SLC35F1: variants seen among roughly 807,000 people sequenced by gnomAD.
SLC35F1 encodes the protein solute carrier family 35 member F1, also known as chromosome 6 open reading frame 169.
SLC35F1 carries 14 observed loss-of-function variants against 48.7 expected under a neutral mutation model. The observed-to-expected ratio is 0.29, with a 90% CI of 0.19 to 0.45. The LOEUF (loss-of-function observed/expected upper bound fraction) is 0.45. SLC35F1 is among the 20% of genes least tolerant of loss of function. SLC35F1 has a pLI of 1.00. For synonymous variants in SLC35F1, 190 were observed against 202.2 expected, an observed-to-expected ratio of 0.94 and a Z score of 0.51; for missense variants, 404 against 500.0, an observed-to-expected ratio of 0.81 and a Z score of 1.83.
chr6:118,000,492 A>C (rs908051604), intron 1 of SLC35F1, among the ~76,000 whole-genome samples: 17 of 152,184 alleles, frequency 1.1e-4, no homozygotes, highest in Non-Finnish European at 5.9e-5. Flanking sequence ...GGCCAATATC[A>C]TACTGAATGG....
intron 1 of SLC35F1, among the ~76,000 whole-genome samples, chr6:117,920,317 G>A (rs1775881661): frequency 6.6e-6 from 1 of 152,216 alleles, no homozygotes; most frequent in Non-Finnish European, 1.5e-5. Flanking sequence ...GGGGGCGAGT[G>A]TTCCGCGGGG....
chr6:118,162,649 C>G (rs1774254065), intron 2 of SLC35F1, among the ~76,000 whole-genome samples: 1 of 152,216 alleles, frequency 6.6e-6, no homozygotes, highest in Non-Finnish European at 1.5e-5. Flanking sequence ...TGCAGCTATT[C>G]CCTCAGTCGC....
At chr6:118,128,158 A>G (rs1773656149) in intron 1 of SLC35F1, among the ~76,000 whole-genome samples, 1 of 144,350 alleles carries the variant, frequency 6.9e-6, no homozygotes, top group South Asian at 2.3e-4. Flanking sequence ...AAGTCAGGAA[A>G]CAACAGGTGC....
chr6:118,157,435 T>A (rs1774161502), intron 2 of SLC35F1, among the ~76,000 whole-genome samples: 1 of 152,076 alleles, frequency 6.6e-6, no homozygotes, highest in South Asian at 2.1e-4. Context: ...GATAGATGTA[T>A]ATATGAAAGG....
At chr6:118,121,921 A>G (rs1217550982) in intron 1 of SLC35F1, among the ~76,000 whole-genome samples, 2 of 152,136 alleles carry the variant, frequency 1.3e-5, no homozygotes, top group African/African-American at 4.8e-5. Context: ...CACACTCCCT[A>G]CATTTGAATA....
chr6:118,301,664 G>C (rs1189610879), intron 7 of SLC35F1, among the ~76,000 whole-genome samples: 2 of 152,118 alleles, frequency 1.3e-5, no homozygotes, highest in Non-Finnish European at 2.9e-5. Flanking sequence ...TATATTGGTA[G>C]CTATAGATAT....
intron 2 of SLC35F1, among the ~76,000 whole-genome samples, chr6:118,204,478 G>A (rs564847332): frequency 6.6e-6 from 1 of 152,216 alleles, no homozygotes; most frequent in East Asian, 1.9e-4. Context: ...GACAAATGAA[G>A]CATATCTTCT....
In SLC35F1 at chr6:117,923,621, A is replaced by ACATATATACATATGTG. The variant is rs1205547306; in HGVS notation, c.173+15722_173+15723insCATATATACATATGTG. 7.4e-4 allele frequency among the ~76,000 whole-genome samples: 18 copies of ACATATATACATATGTG among 24,216 alleles called. 4 individuals are homozygous for ACATATATACATATGTG. Among genetic ancestry groups the ACATATATACATATGTG allele is most frequent in the African/African-American group, 1.4e-3 (18 of 12,526 alleles). The allele number at this position is 24,216 out of a possible 152,430, so 15.9% of individuals were successfully genotyped here. A position where few individuals can be genotyped will look rare whatever the true frequency, so the allele number is the denominator to read the frequency against. On this transcript the variant is annotated intron_variant, in intron 1 of 7. Transcript: ENST00000360388. ...TGTGTATATATACATATACATATGT[A>ACATATATACATATGTG]TATATACATATATGTACATATGTAC...
At chr6:118,061,482 A>G (rs933275124) in intron 1 of SLC35F1, among the ~76,000 whole-genome samples, 1 of 152,170 alleles carries the variant, frequency 6.6e-6, no homozygotes, top group Admixed American at 6.5e-5. Flanking sequence ...CACTATCATT[A>G]TAAAACTAGA....
At chr6:118,072,960 T>C (rs1772760540) in intron 1 of SLC35F1, among the ~76,000 whole-genome samples, 1 of 152,218 alleles carries the variant, frequency 6.6e-6, no homozygotes, top group African/African-American at 2.4e-5. Flanking sequence ...CCACATCTTC[T>C]GTATTCTAAA....
intron 1 of SLC35F1, among the ~76,000 whole-genome samples, chr6:118,060,360 T>G (rs796566744): frequency 5.8e-4 from 88 of 152,250 alleles, no homozygotes; most frequent in African/African-American, 2.0e-3. Flanking sequence ...TGACAAGTTT[T>G]TATTCCTAGC....
intron 1 of SLC35F1, 33 bp from the exon 2 acceptor site, chr6:118,154,411 AC>A: frequency 6.3e-7 from 1 of 1,575,304 alleles, no homozygotes; most frequent in Non-Finnish European, 8.6e-7. Flanking sequence ...CTTCCTGCTG[AC>A]CTTTGCTGTG....
intron 2 of SLC35F1, among the ~76,000 whole-genome samples, chr6:118,222,587 A>G (rs1775165837): frequency 6.6e-6 from 1 of 152,214 alleles, no homozygotes. Context: ...ATCCCAGAAA[A>G]AAAACTTAAT....
intron 1 of SLC35F1, among the ~76,000 whole-genome samples, chr6:118,007,409 A>G (rs1200277241): frequency 6.6e-6 from 1 of 152,172 alleles, no homozygotes; most frequent in African/African-American, 2.4e-5. Context: ...TGTGCCGGAC[A>G]TTGTGCTAGG....
At chr6:118,002,774 C>A (rs955647841) in intron 1 of SLC35F1, among the ~76,000 whole-genome samples, 1 of 151,082 alleles carries the variant, frequency 6.6e-6, no homozygotes, top group African/African-American at 2.4e-5. Flanking sequence ...GAATTTCTAA[C>A]CTGTCTGGAA....
chr6:118,115,770 AG>A (rs1215084878), intron 1 of SLC35F1, among the ~76,000 whole-genome samples: 2 of 152,216 alleles, frequency 1.3e-5, no homozygotes, highest in African/African-American at 4.8e-5. Flanking sequence ...GCCTTATGTA[AG>A]AGTGAATACA....
intron 1 of SLC35F1, among the ~76,000 whole-genome samples, chr6:117,975,415 C>T (rs1776693103): frequency 6.6e-6 from 1 of 152,174 alleles, no homozygotes; most frequent in South Asian, 2.1e-4. Flanking sequence ...CTGGGATTGG[C>T]TGGCAGCATC....
chr6:117,975,329 A>G (rs1776691832), intron 1 of SLC35F1, among the ~76,000 whole-genome samples: 1 of 152,246 alleles, frequency 6.6e-6, no homozygotes, highest in Non-Finnish European at 1.5e-5. Flanking sequence ...TAACTGCATT[A>G]TAAATGCTTA....
chr6:117,998,927 G>C lies in SLC35F1; in HGVS notation c.173+91028G>C, dbSNP rs1011366175. On this transcript the variant is annotated intron_variant, in intron 1 of 7. Transcript: ENST00000360388. ...AGAAGGCAAGAAATACCTAAAATCA[G>C]CTCTTCCGGTTCTAGGCACTTCGGG... 22 of 773,270 alleles carry C rather than the reference G, an allele frequency of 2.8e-5. No homozygotes were observed. In the African/African-American group the frequency reaches 3.8e-4, roughly 13 times the overall value. 47.9% of individuals were successfully genotyped at this position (773,270 alleles called of 1,614,324 possible). A position where few individuals can be genotyped will look rare whatever the true frequency, so the allele number is the denominator to read the frequency against.
Sources: allele counts gnomAD v4.1 joint callset (sites outside exome capture counted in the v4.1 genomes callset), GRCh38; gene constraint gnomAD v4.1.1; transcripts MANE v1.5; gene names NCBI Gene and HGNC (gene_info 2026-07-23, HGNC 2026-07-21).